Variants in GFRAL observed in about 807,000 individuals in gnomAD.
GFRAL encodes GDNF family receptor alpha-like.
Under a neutral mutation model 45.4 loss-of-function variants are expected in GFRAL, and 36 were observed. The observed-to-expected ratio is 0.79, with a 90% CI of 0.61 to 1.05. GFRAL has a LOEUF of 1.05. GFRAL is among the 50% of genes least tolerant of loss of function. The pLI is 0.00. For synonymous variants in GFRAL, 166 were observed against 154.1 expected (o/e 1.08, Z -0.57); for missense variants, 507 against 467.5 (o/e 1.08, Z -0.78).
chr6:55,397,363 A>T (rs1015259137), intron 6 of GFRAL, among the ~76,000 whole-genome samples: 2 of 147,568 alleles, frequency 1.4e-5, no homozygotes, highest in Non-Finnish European at 3.0e-5. Flanking sequence ...CTAAAAATAC[A>T]AAAAATTAGC....
At chr6:55,388,496 A>C (rs1212836416) in intron 6 of GFRAL, among the ~76,000 whole-genome samples, 3 of 152,186 alleles carry the variant, frequency 2.0e-5, no homozygotes, top group Non-Finnish European at 2.9e-5. Context: ...CTAGTATAAC[A>C]GACAGTCTAA....
At chr6:55,393,382 T>C (rs1768779632) in intron 6 of GFRAL, among the ~76,000 whole-genome samples, 1 of 152,204 alleles carries the variant, frequency 6.6e-6, no homozygotes, top group South Asian at 2.1e-4. Flanking sequence ...GTAGAACCAG[T>C]GTTTTATGGA....
chr6:55,349,537 C>A (rs1347917551), intron 3 of GFRAL, among the ~76,000 whole-genome samples: 1 of 151,944 alleles, frequency 6.6e-6, no homozygotes, highest in African/African-American at 2.4e-5. Flanking sequence ...AGTAGGGAAC[C>A]AACCAATGTT....
intron 6 of GFRAL, among the ~76,000 whole-genome samples, chr6:55,390,874 C>T (rs566187162): frequency 1.6e-4 from 22 of 136,782 alleles, no homozygotes; most frequent in East Asian, 1.6e-3. Context: ...GGCGACAGAG[C>T]GAGACTCCAT....
chr6:55,338,777 G>T (rs1767922921), intron 3 of GFRAL, among the ~76,000 whole-genome samples: 1 of 152,082 alleles, frequency 6.6e-6, no homozygotes, highest in Non-Finnish European at 1.5e-5. Context: ...TTGTTAAGCT[G>T]GATACTAGAA....
intron 6 of GFRAL, among the ~76,000 whole-genome samples, chr6:55,396,552 C>CT (rs956846840): frequency 1.5e-4 from 23 of 150,902 alleles, no homozygotes; most frequent in African/African-American, 2.9e-4. Flanking sequence ...CCAGCTACAG[C>CT]TTTTTTTTAA....
chr6:55,355,466 A>G (rs557671613), intron 5 of GFRAL, among the ~76,000 whole-genome samples: 169 of 152,124 alleles, frequency 1.1e-3, no homozygotes, highest in African/African-American at 4.0e-3. Flanking sequence ...TATTCCAAGT[A>G]TCTTATTTTA....
At chr6:55,400,205 A>G (rs1768878178) in intron 8 of GFRAL, among the ~76,000 whole-genome samples, 1 of 152,156 alleles carries the variant, frequency 6.6e-6, no homozygotes, top group South Asian at 2.1e-4. Flanking sequence ...TATTCTTTAC[A>G]CATATGGGTA....
At chr6:55,361,107 A>C (rs944908662) in intron 6 of GFRAL, among the ~76,000 whole-genome samples, 10 of 152,068 alleles carry the variant, frequency 6.6e-5, no homozygotes, top group Non-Finnish European at 1.5e-4. Context: ...TTCTGTATGA[A>C]TGCTTTAAAG....
intron 6 of GFRAL, among the ~76,000 whole-genome samples, chr6:55,380,864 A>G (rs1768599209): frequency 1.3e-5 from 2 of 151,976 alleles, no homozygotes; most frequent in Non-Finnish European, 1.5e-5. Flanking sequence ...GAAGTATCCT[A>G]ATACTGCTTC....
chr6:55,389,248 C>A (rs936568368), intron 6 of GFRAL, among the ~76,000 whole-genome samples: 6 of 152,078 alleles, frequency 3.9e-5, no homozygotes, highest in African/African-American at 1.2e-4. Flanking sequence ...CTCCTTTCAC[C>A]CTCCACTCTT....
In GFRAL at chr6:55,359,071, C is replaced by T; in HGVS notation, c.885C>T (p.Thr295=). Residue 295 remains threonine, a synonymous_variant, in exon 6 of 9, where the codon ACC becomes ACT. Transcript: ENST00000340465. ...TTCAAGTGCAATGTACCTGTAGGACCATTACACAAAGTGAGGAATCTTTGT... is the reference window on the plus strand; with the variant it reads ...TTCAAGTGCAATGTACCTGTAGGACTATTACACAAAGTGAGGAATCTTTGT... ...TVLQVQCTCR[T]ITQSEESLCK... The T allele has an allele frequency of 6.2e-7, 1 of 1,612,588 alleles. No individual in the cohort carries two copies. The highest frequency in any genetic ancestry group is 8.5e-7 in the Non-Finnish European group (1 of 1,179,034).
chr6:55,351,799 A>G (rs1249896524), intron 5 of GFRAL, among the ~76,000 whole-genome samples: 1 of 152,170 alleles, frequency 6.6e-6, no homozygotes, highest in Non-Finnish European at 1.5e-5. Context: ...ATAAAAAATC[A>G]GCATGTCAAA....
At chr6:55,343,090 AC>A (rs1767991320) in intron 3 of GFRAL, among the ~76,000 whole-genome samples, 1 of 152,044 alleles carries the variant, frequency 6.6e-6, no homozygotes, top group African/African-American at 2.4e-5. Context: ...AGATTTTAAC[AC>A]CCCACTGTCA....
intron 5 of GFRAL, among the ~76,000 whole-genome samples, chr6:55,357,215 A>G (rs1318863679): frequency 6.6e-6 from 1 of 151,948 alleles, no homozygotes; most frequent in Admixed American, 6.6e-5. Flanking sequence ...CATTTTATCT[A>G]TAGTGCAGAT....
intron 6 of GFRAL, among the ~76,000 whole-genome samples, 192 bp from the exon 7 acceptor site, chr6:55,398,988 T>C (rs1768861524): frequency 6.6e-6 from 1 of 152,040 alleles, no homozygotes; most frequent in Admixed American, 6.5e-5. Context: ...TACACGGAAA[T>C]TACCTGATTA....
At chr6:55,359,960 C>T (rs1768251752) in intron 6 of GFRAL, among the ~76,000 whole-genome samples, 1 of 151,986 alleles carries the variant, frequency 6.6e-6, no homozygotes, top group South Asian at 2.1e-4. Context: ...TATATTCACT[C>T]TTCAATTTAG....
At chr6:55,367,359 G>A (rs544241926) in intron 6 of GFRAL, among the ~76,000 whole-genome samples, 2 of 142,890 alleles carry the variant, frequency 1.4e-5, no homozygotes, top group Non-Finnish European at 3.0e-5. Context: ...TGGGTTTCCT[G>A]AATACAGCAC....
intron 5 of GFRAL, among the ~76,000 whole-genome samples, chr6:55,354,182 G>A (rs6929594): frequency 0.67 from 102,402 of 151,856 alleles, 35,148 homozygotes; most frequent in African/African-American, 0.78. Context: ...ATAGCAAGTG[G>A]TGGCTCTGCT....
Sources: gnomAD v4.1 joint callset for allele counts (sites outside exome capture counted in the v4.1 genomes callset) on GRCh38, gnomAD v4.1.1 for gene constraint, MANE v1.5 for transcripts, NCBI Gene and HGNC (gene_info 2026-07-23, HGNC 2026-07-21) for gene names.